FGF8: variants seen among roughly 807,000 people sequenced by gnomAD.
FGF8 encodes the protein fibroblast growth factor 8.
FGF8 carries 12 observed loss-of-function variants against 29.7 expected under a neutral mutation model. The ratio of observed to expected loss-of-function variants is 0.40; its 90% CI spans 0.26 to 0.65. The LOEUF (loss-of-function observed/expected upper bound fraction) is 0.65. Among genes scored for constraint, FGF8 ranks in the 30% least tolerant of loss-of-function variants. The pLI is 0.37. For missense variants in FGF8, 271 were observed against 345.1 expected (o/e 0.79, Z 1.70); for synonymous variants, 157 against 144.4 (o/e 1.09, Z -0.63).
Position 101,770,697 on chromosome 10 carries a change from G to C in FGF8, c.445-78C>G. The stretch of plus-strand genomic sequence containing the variant: ...GAGGGCGAGCGGCCCCAGACAGCAG[G>C]TGGGCACCCCAGCAGATGGCGAGGT... On this transcript the variant is annotated intron_variant, in intron 5 of 5. Coordinates refer to ENST00000320185, the MANE Select transcript of FGF8 (RefSeq NM_033163.5). The C allele has an allele frequency of 2.6e-6, 4 of 1,522,536 alleles. No individual in the cohort carries two copies. The Admixed American group carries it at 6.8e-5, about 26-fold the overall frequency. The allele number at this position is 1,522,536 out of a possible 1,614,324, so 94.3% of individuals were successfully genotyped here.
chr10:101,777,023 G>A (rs2065104416), upstream of FGF8, among the ~76,000 whole-genome samples: 1 of 152,160 alleles, frequency 6.6e-6, no homozygotes, highest in South Asian at 2.1e-4. Flanking sequence ...AGCTTTTACT[G>A]GGGGAAGGGA....
Position 101,770,364 on chromosome 10 carries a change from C to T in FGF8, c.700G>A (p.Gly234Ser), listed in dbSNP as rs1217798504. ...TCGGGGGCCCAAGTCCTCTGGCTGC[C>T]GCGCAGGCTGCGCGTGAAGGGCGGG... Reference protein sequence around the residue: ...NYPPFTRSLRGSQRTWAPEPR With the variant: ...NYPPFTRSLRSSQRTWAPEPR Residue 234 changes from glycine (G) to serine (S), a missense_variant, in exon 6 of 6, where the codon GGC (glycine) becomes AGC (serine). Physicochemically the swap from Gly to Ser is moderately conservative, Grantham distance 56 (BLOSUM62 0). Around this residue, in one of 3 missense-constraint regions of FGF8, gnomAD observed 62 missense variants for 58.1 expected, o/e 1.07. Coordinates refer to ENST00000320185, the MANE Select transcript of FGF8 (RefSeq NM_033163.5). 27 of 1,600,048 alleles carry T rather than the reference C, an allele frequency of 1.7e-5. No homozygotes were observed. Among genetic ancestry groups the T allele is most frequent in the Non-Finnish European group, 1.9e-5 (22 of 1,175,088 alleles).
chr10:101,775,018 G>A lies in FGF8; in HGVS notation c.157-106C>T. 6.6e-7 allele frequency: 1 copy of A among 1,510,768 alleles called. No individual in the cohort carries two copies. The highest frequency in any genetic ancestry group is 9.1e-7 in the Non-Finnish European group (1 of 1,102,436). The allele number at this position is 1,510,768 out of a possible 1,614,324, so 93.6% of individuals were successfully genotyped here. On this transcript the variant is annotated intron_variant, in intron 3 of 5. Transcript: ENST00000320185. This position sits in a 1 kb window ranked among gnomAD's most constrained non-coding sequence, Gnocchi z 4.6. ...TCCCCCTCACTGCCCCAAGCCGCCA[G>A]CAGGTGCTGGGGGTTCCCCCAACAT... is the stretch of plus-strand genomic sequence containing the variant.
Position 101,776,038 on chromosome 10 carries a change from G to A in FGF8, c.-138C>T. On this transcript the variant is annotated 5_prime_UTR_variant, in exon 1 of 6. Transcript: ENST00000320185. Reference sequence around the variant, plus strand: ...GGCGGCGATCACGACGCGGCTCCGCGGGTCCCGTGGAACGTCGTGCTCGCC... The same window carrying A: ...GGCGGCGATCACGACGCGGCTCCGCAGGTCCCGTGGAACGTCGTGCTCGCC... The A allele has an allele frequency of 5.6e-6, 2 of 354,388 alleles. No homozygotes were observed. Among genetic ancestry groups the A allele is most frequent in the Non-Finnish European group, 8.6e-6 (2 of 232,610 alleles). 22.0% of individuals were successfully genotyped at this position (354,388 alleles called of 1,614,324 possible). A position where few individuals can be genotyped will look rare whatever the true frequency, so the allele number is the denominator to read the frequency against.
rs1225072034 is a variant in FGF8 at position 101,772,652 on chromosome 10, A to G, written c.338-1083T>C. On this transcript the variant is annotated intron_variant, in intron 4 of 5. Transcript: ENST00000320185. The surrounding 1 kb of genome is among the most constrained non-coding windows in gnomAD (Gnocchi z 4.4). ...CCCTCCCTGAGAAAGCAGTTCTTGG[A>G]CTTAGCCTGCATTGACATATGGCAC... Among the ~76,000 whole-genome samples the G allele has an allele frequency of 1.3e-5, 2 of 152,098 alleles. No individual in the cohort carries two copies. The highest frequency in any genetic ancestry group is 6.5e-5 in the Admixed American group (1 of 15,274).
intron 4 of FGF8, among the ~76,000 whole-genome samples, chr10:101,773,974 T>C (rs1344603176): frequency 6.6e-6 from 1 of 152,250 alleles, no homozygotes; most frequent in Non-Finnish European, 1.5e-5. Context: ...CCCTCTCCTT[T>C]CATGCTTGTT....
intron 4 of FGF8, among the ~76,000 whole-genome samples, chr10:101,773,874 C>A (rs2134997467): frequency 6.6e-6 from 1 of 152,264 alleles, no homozygotes; most frequent in East Asian, 1.9e-4. Context: ...TGAAAAAAAG[C>A]TCGTTCTTTT....
At position 101,774,752 on chromosome 10, in the gene FGF8, G is replaced by T. The variant is rs876661328; in HGVS notation, c.317C>A (p.Ala106Glu). The T allele has an allele frequency of 6.2e-7, 1 of 1,607,068 alleles. No individual in the cohort carries two copies. ...CTTACCGAAGGGGTCGCCGTCCTCT[G>T]CCATGGCGTTGATGCGCTTGTTGGC... ...VLANKRINAM[A>E]EDGDPFAKLI... Residue 106 changes from alanine (A) to glutamate (E), a missense_variant, in exon 4 of 6, where the codon GCA becomes GAA. By Grantham distance (107) the Ala-to-Glu change is moderately radical (BLOSUM62 -1). Around this residue, in one of 3 missense-constraint regions of FGF8, gnomAD observed 168 missense variants for 207.0 expected, o/e 0.81. Coordinates refer to ENST00000320185, the MANE Select transcript of FGF8 (RefSeq NM_033163.5).
intron 4 of FGF8, among the ~76,000 whole-genome samples, chr10:101,773,334 G>A (rs182704542): frequency 1.4e-4 from 22 of 152,260 alleles, no homozygotes; most frequent in Admixed American, 1.1e-3. Flanking sequence ...CCAGGCATTC[G>A]TCTCCTCTCC....
At position 101,775,266 on chromosome 10, in the gene FGF8, T is replaced by C; in HGVS notation, c.70-50A>G. The C allele has an allele frequency of 7.8e-7, 1 of 1,281,148 alleles. No individual in the cohort carries two copies. Among genetic ancestry groups the C allele is most frequent in the Non-Finnish European group, 1.1e-6 (1 of 908,100 alleles). 79.4% of individuals were successfully genotyped at this position (1,281,148 alleles called of 1,614,324 possible). A position where few individuals can be genotyped will look rare whatever the true frequency, so the allele number is the denominator to read the frequency against. On this transcript the variant is annotated intron_variant, in intron 2 of 5. Transcript: ENST00000320185. This position sits in a 1 kb window ranked among gnomAD's most constrained non-coding sequence, Gnocchi z 4.6. ...TAGGGAGGCAGCCCTCCCCGACCCCTGACATTTATAAAGACAAATTTACGG... is the reference window on the plus strand; with the variant it reads ...TAGGGAGGCAGCCCTCCCCGACCCCCGACATTTATAAAGACAAATTTACGG...
Position 101,770,301 on chromosome 10 carries a change from T to C in FGF8, c.*28A>G. ...CTACAGGATGAGCCTCTCTGCGGTC[T>C]GGCATTGTGGGGAGGGCCAGGCAGC... is the stretch of plus-strand genomic sequence containing the variant. On this transcript the variant is annotated 3_prime_UTR_variant, in exon 6 of 6. Transcript: ENST00000320185. 6.4e-7 allele frequency: 1 copy of C among 1,566,828 alleles called. No individual in the cohort carries two copies. The highest frequency in any genetic ancestry group is 8.7e-7 in the Non-Finnish European group (1 of 1,155,702).
rs2065077946 is a variant in FGF8 at position 101,775,605 on chromosome 10, C to G, written c.69+135G>C. Reference sequence around the variant, plus strand: ...CCTCAGCTCCCTCCTCGGGGTGGCTCGGGGCTGGGTTTCTAAGGTGCCCTC... The same window carrying G: ...CCTCAGCTCCCTCCTCGGGGTGGCTGGGGGCTGGGTTTCTAAGGTGCCCTC... On this transcript the variant is annotated intron_variant, in intron 2 of 5. Coordinates refer to ENST00000320185, the MANE Select transcript of FGF8 (RefSeq NM_033163.5). The surrounding 1 kb of genome is among the most constrained non-coding windows in gnomAD (Gnocchi z 4.6). The G allele has an allele frequency of 1.0e-6, 1 of 994,714 alleles. No homozygotes were observed. The allele number at this position is 994,714 out of a possible 1,614,324, so 61.6% of individuals were successfully genotyped here. A position where few individuals can be genotyped will look rare whatever the true frequency, so the allele number is the denominator to read the frequency against.
In FGF8 at chr10:101,774,050, G is replaced by A. The variant is rs1042242331; in HGVS notation, c.337+682C>T. Among the ~76,000 whole-genome samples, 4 of 152,192 alleles carry A rather than the reference G, an allele frequency of 2.6e-5. No homozygotes were observed. The East Asian group carries it at 7.7e-4, about 29-fold the overall frequency. On this transcript the variant is annotated intron_variant, in intron 4 of 5. Coordinates refer to ENST00000320185, the MANE Select transcript of FGF8 (RefSeq NM_033163.5). ...TCGCTCTCTAAAAACAACACCAGCC[G>A]CCCAGAGGGCTTGCTTTTCTCTTGG...
rs2065032230 is a variant in FGF8, at chr10:101,771,828, T to A, written c.338-259A>T. Among the ~76,000 whole-genome samples, 1 of 152,264 alleles carries A rather than the reference T, an allele frequency of 6.6e-6. No individual in the cohort carries two copies. The highest frequency in any genetic ancestry group is 2.4e-5 in the African/African-American group (1 of 41,476). On this transcript the variant is annotated intron_variant, in intron 4 of 5. Coordinates refer to ENST00000320185, the MANE Select transcript of FGF8 (RefSeq NM_033163.5). The surrounding 1 kb of genome is among the most constrained non-coding windows in gnomAD (Gnocchi z 5.3). ...GTTCTCAAGAGAGGTCTTGGGACTA[T>A]CAAATTGAAAAGGCTGAAGTGCCAT...
upstream of FGF8, among the ~76,000 whole-genome samples, chr10:101,777,733 A>AGAG (rs2065110896): frequency 1.3e-5 from 2 of 152,374 alleles, no homozygotes; most frequent in South Asian, 4.1e-4. Context: ...AAGGCTGGGC[A>AGAG]GAGCTGTTCT....
chr10:101,770,113 A>C lies in FGF8; in HGVS notation c.*216T>G. Reference sequence around the variant, plus strand: ...AAGACAGACACCACAGCCAAGTGGAATACAAAAATAGAGCCTCTCTTTTGT... The same window carrying C: ...AAGACAGACACCACAGCCAAGTGGACTACAAAAATAGAGCCTCTCTTTTGT... On this transcript the variant is annotated 3_prime_UTR_variant, in exon 6 of 6. Transcript: ENST00000320185. 3.7e-6 allele frequency: 2 copies of C among 535,034 alleles called. No homozygotes were observed. The highest frequency in any genetic ancestry group is 6.5e-6 in the Non-Finnish European group (2 of 305,740). The allele number at this position is 535,034 out of a possible 1,614,324, so 33.1% of individuals were successfully genotyped here. A position where few individuals can be genotyped will look rare whatever the true frequency, so the allele number is the denominator to read the frequency against.
chr10:101,775,748 G>C lies in FGF8; in HGVS notation c.61C>G (p.Gln21Glu). The part of the protein sequence containing the change: ...LLLHLLVLCL[Q>E]AQEGPGRGPA... ...CGCGCACCCCTCCTCACCTGGGCTT[G>C]GAGGCAGAGGACCAGCAAGTGCAAC... Residue 21 changes from glutamine (Q) to glutamate (E), a missense_variant, in exon 2 of 6, where the codon CAA (glutamine) becomes GAA (glutamate). Gln to Glu is a conservative substitution (Grantham distance 29). Around this residue, in one of 3 missense-constraint regions of FGF8, gnomAD observed 168 missense variants for 207.0 expected, o/e 0.81. Coordinates refer to ENST00000320185, the MANE Select transcript of FGF8 (RefSeq NM_033163.5). The surrounding 1 kb of genome is among the most constrained non-coding windows in gnomAD (Gnocchi z 4.6). 6.5e-7 allele frequency: 1 copy of C among 1,545,806 alleles called. No individual in the cohort carries two copies. Among genetic ancestry groups the C allele is most frequent in the Non-Finnish European group, 8.7e-7 (1 of 1,146,060 alleles).
Position 101,775,641 on chromosome 10 carries a change from C to T in FGF8, c.69+99G>A. ...TTCTAAGGTGCCCTCAGCCCTCCCGCGCCGGCCGCAGAGTCAGTCCCGGTG... is the reference window on the plus strand; with the variant it reads ...TTCTAAGGTGCCCTCAGCCCTCCCGTGCCGGCCGCAGAGTCAGTCCCGGTG... On this transcript the variant is annotated intron_variant, in intron 2 of 5. Transcript: ENST00000320185. The surrounding 1 kb of genome is among the most constrained non-coding windows in gnomAD (Gnocchi z 4.6). 1.4e-6 allele frequency: 2 copies of T among 1,399,520 alleles called. No individual in the cohort carries two copies. The highest frequency in any genetic ancestry group is 1.9e-6 in the Non-Finnish European group (2 of 1,033,872). The allele number at this position is 1,399,520 out of a possible 1,614,324, so 86.7% of individuals were successfully genotyped here. A position where few individuals can be genotyped will look rare whatever the true frequency, so the allele number is the denominator to read the frequency against.
Position 101,770,561 on chromosome 10 carries a change from G to C in FGF8, c.503C>G (p.Thr168Arg). Residue 168 changes from threonine (T) to arginine (R), a missense_variant, in exon 6 of 6, where the codon ACA becomes AGA. Physicochemically the swap from Thr to Arg is moderately conservative, Grantham distance 71. This residue lies in a region of FGF8 where 41 missense variants were observed against 80.0 expected (regional missense o/e 0.51). Transcript: ENST00000320185. The part of the protein sequence containing the change: ...FTEIVLENNY[T>R]ALQNAKYEGW... ...CTCGTACTTGGCATTCTGCAGCGCTGTGTAGTTGTTCTCCAGCACAATCTC... is the reference window on the plus strand; with the variant it reads ...CTCGTACTTGGCATTCTGCAGCGCTCTGTAGTTGTTCTCCAGCACAATCTC... The C allele has an allele frequency of 6.2e-7, 1 of 1,613,264 alleles. No homozygotes were observed. The highest frequency in any genetic ancestry group is 8.5e-7 in the Non-Finnish European group (1 of 1,179,974).
Sources: gnomAD v4.1 joint callset for allele counts (sites outside exome capture counted in the v4.1 genomes callset) on GRCh38, gnomAD v4.1.1 for gene constraint, gnomAD v4.1.1 regional missense constraint, Gnocchi (gnomAD v3.1) non-coding constraint, MANE v1.5 for transcripts, NCBI Gene and HGNC (gene_info 2026-07-23, HGNC 2026-07-21) for gene names.